GALNT13: variants seen among roughly 807,000 people sequenced by gnomAD.
The protein encoded by GALNT13 is UDP-GalNAc:polypeptide N-acetylgalactosaminyltransferase 13.
GALNT13 carries 28 observed loss-of-function variants against 64.2 expected under a neutral mutation model. That is an observed-to-expected ratio of 0.44 (90% CI 0.32 to 0.60). The LOEUF (loss-of-function observed/expected upper bound fraction) is 0.60, where lower values mean the gene tolerates loss of function less well. GALNT13 is among the 20% of genes least tolerant of loss of function. The probability of loss-of-function intolerance (pLI) is 0.05; values close to 1 mark genes in which losing one functional copy is unlikely to be tolerated. For synonymous variants in GALNT13, 214 were observed against 224.6 expected, an observed-to-expected ratio of 0.95 and a Z score of 0.42; for missense variants, 577 against 669.8, an observed-to-expected ratio of 0.86 and a Z score of 1.53.
chr2:153,625,042 A>G, the GALNT13 span, among the ~76,000 whole-genome samples: 1 of 152,132 alleles, frequency 6.6e-6, no homozygotes, highest in African/African-American at 2.4e-5. Flanking sequence ...AAGAAAGGAA[A>G]TAGATCCTAG....
chr2:154,400,156 T>C (rs965473409), intron 10 of GALNT13, among the ~76,000 whole-genome samples: 1 of 152,184 alleles, frequency 6.6e-6, no homozygotes, highest in East Asian at 1.9e-4. Context: ...CAACAGTCAT[T>C]TTCTAAAGCT....
At chr2:153,279,808 G>T in the GALNT13 span, among the ~76,000 whole-genome samples, 23 of 152,088 alleles carry the variant, frequency 1.5e-4, no homozygotes, top group African/African-American at 5.5e-4. Context: ...CAGAATATTA[G>T]CCTGTAGTGT....
chr2:153,339,833 T>A, the GALNT13 span, among the ~76,000 whole-genome samples: 1 of 152,224 alleles, frequency 6.6e-6, no homozygotes, highest in Admixed American at 6.5e-5. Flanking sequence ...ATCCAGCTTT[T>A]CCAGTACCAG....
chr2:154,110,050 A>G (rs1702847235), intron 3 of GALNT13, among the ~76,000 whole-genome samples: 1 of 151,534 alleles, frequency 6.6e-6, no homozygotes, highest in East Asian at 1.9e-4. Context: ...AAAGATAGAT[A>G]TTGTTTCTTC....
upstream of GALNT13, among the ~76,000 whole-genome samples, chr2:153,868,349 T>C (rs1210592859): frequency 1.3e-5 from 2 of 152,216 alleles, no homozygotes; most frequent in Non-Finnish European, 2.9e-5. Flanking sequence ...ATAAAGGTTC[T>C]TATAGGGCAT....
the GALNT13 span, among the ~76,000 whole-genome samples, chr2:153,835,777 A>G: frequency 6.6e-6 from 1 of 152,060 alleles, no homozygotes; most frequent in African/African-American, 2.4e-5. Context: ...ATATGTTTCA[A>G]TAACAAATTT....
At chr2:153,621,138 C>T in the GALNT13 span, among the ~76,000 whole-genome samples, 8 of 152,102 alleles carry the variant, frequency 5.3e-5, no homozygotes, top group Non-Finnish European at 8.8e-5. Flanking sequence ...CTCTCTCTCC[C>T]TCTGTCTTTT....
intron 3 of GALNT13, among the ~76,000 whole-genome samples, chr2:153,958,691 C>T (rs986545561): frequency 1.3e-5 from 2 of 152,126 alleles, no homozygotes; most frequent in Non-Finnish European, 2.9e-5. Context: ...TACATTCCCA[C>T]TTTTCATAGG....
the GALNT13 span, among the ~76,000 whole-genome samples, chr2:153,193,450 G>T: frequency 8.2e-6 from 1 of 122,510 alleles, no homozygotes; most frequent in Non-Finnish European, 1.7e-5. Context: ...CTGTGGTGGG[G>T]TCGGGGGAGG....
the GALNT13 span, among the ~76,000 whole-genome samples, chr2:153,801,775 T>G: frequency 1.8e-4 from 27 of 152,156 alleles, no homozygotes; most frequent in African/African-American, 6.3e-4. Flanking sequence ...AAACTGTCAA[T>G]TTATGAAACA....
chr2:154,037,861 T>C (rs1439438294), intron 3 of GALNT13, among the ~76,000 whole-genome samples: 1 of 152,070 alleles, frequency 6.6e-6, no homozygotes, highest in Non-Finnish European at 1.5e-5. Context: ...GACATAAAAA[T>C]ATTGTAAGAT....
At chr2:154,029,208 C>T (rs915769277) in intron 3 of GALNT13, among the ~76,000 whole-genome samples, 4 of 144,476 alleles carry the variant, frequency 2.8e-5, no homozygotes, top group South Asian at 2.3e-4. Context: ...AAAAAAAGAT[C>T]GTCTACAGCC....
At chr2:153,407,557 T>C in the GALNT13 span, among the ~76,000 whole-genome samples, 1 of 152,150 alleles carries the variant, frequency 6.6e-6, no homozygotes, top group Admixed American at 6.5e-5. Context: ...ATAGCTCACA[T>C]CTGCTAGACC....
the GALNT13 span, among the ~76,000 whole-genome samples, chr2:153,340,067 G>A: frequency 1.6e-4 from 24 of 152,150 alleles, no homozygotes; most frequent in African/African-American, 4.8e-4. Context: ...GCTTAAGATT[G>A]CTTTAGCTAT....
rs1559075828 is a variant in GALNT13, at chr2:154,298,646, C to CATTGTATATATAATGTATATATAA, written c.976-2753_976-2752insTAATGTATATATAAATTGTATATA. Reference sequence around the variant, plus strand: ...ACATTGTATATATAATTTATATATACATTGTATATACAATTTATATATACA... The same window carrying CATTGTATATATAATGTATATATAA: ...ACATTGTATATATAATTTATATATACATTGTATATATAATGTATATATAAATTGTATATACAATTTATATATACA... On this transcript the variant is annotated intron_variant, in intron 8 of 12. Coordinates refer to ENST00000392825, the MANE Select transcript of GALNT13 (RefSeq NM_052917.4). Among the ~76,000 whole-genome samples, 3 of 13,404 alleles carry CATTGTATATATAATGTATATATAA rather than the reference C, an allele frequency of 2.2e-4. 1 individual carries two copies. The highest frequency in any genetic ancestry group is 1.3e-3 in the African/African-American group (3 of 2,272). The allele number at this position is 13,404 out of a possible 152,430, so 8.8% of individuals were successfully genotyped here.
chr2:153,430,735 CT>C, the GALNT13 span, among the ~76,000 whole-genome samples: 4 of 151,812 alleles, frequency 2.6e-5, no homozygotes, highest in African/African-American at 9.7e-5. Context: ...TATAAGACCC[CT>C]GCTTGAGCTA....
chr2:153,278,569 T>C, the GALNT13 span, among the ~76,000 whole-genome samples: 2 of 152,080 alleles, frequency 1.3e-5, no homozygotes, highest in African/African-American at 4.8e-5. Context: ...ATTCTTCTGC[T>C]TGTGGTCAGC....
chr2:153,597,139 C>G, the GALNT13 span, among the ~76,000 whole-genome samples: 2 of 152,084 alleles, frequency 1.3e-5, no homozygotes, highest in East Asian at 3.9e-4. Flanking sequence ...CTTTGCTTTT[C>G]CCGATAACAG....
the GALNT13 span, among the ~76,000 whole-genome samples, chr2:153,211,720 C>A: frequency 6.6e-6 from 1 of 152,200 alleles, no homozygotes; most frequent in East Asian, 1.9e-4. Context: ...GAGGAGAAAT[C>A]TGTGTTTTGA....
Sources: gnomAD v4.1 joint callset for allele counts (sites outside exome capture counted in the v4.1 genomes callset) on GRCh38, gnomAD v4.1.1 for gene constraint, MANE v1.5 for transcripts, NCBI Gene and HGNC (gene_info 2026-07-23, HGNC 2026-07-21) for gene names.